Variants in NBDY observed in about 807,000 individuals in gnomAD.
NBDY encodes negative regulator of P-body association, also known as P-body dissociating protein.
intron 2 of NBDY, among the ~76,000 whole-genome samples, chrX:56,800,836 G>A (rs976180725): frequency 9.0e-6 from 1 of 111,045 alleles, no homozygotes; most frequent in Non-Finnish European, 1.9e-5. Flanking sequence ...AAGGACCCGG[G>A]CTGAACCCTG....
intron 2 of NBDY, among the ~76,000 whole-genome samples, chrX:56,756,442 GAA>G (rs66854374): frequency 6.0e-5 from 6 of 99,865 alleles, no homozygotes; most frequent in Middle Eastern, 5.4e-3. Flanking sequence ...AGCTAAAAAA[GAA>G]AAAAAAAAAG....
At chrX:56,785,674 G>A (rs1029017981) in intron 2 of NBDY, among the ~76,000 whole-genome samples, 2 of 111,567 alleles carry the variant, frequency 1.8e-5, no homozygotes, top group African/African-American at 6.5e-5. Flanking sequence ...ATGCAGTCGC[G>A]GTGCAGACTC....
At chrX:56,814,493 ATTT>A (rs374647825) in intron 2 of NBDY, among the ~76,000 whole-genome samples, 1 of 97,303 alleles carries the variant, frequency 1.0e-5, no homozygotes, top group Non-Finnish European at 2.1e-5. Flanking sequence ...TATGAACCAC[ATTT>A]TTTTTTTTTT....
chrX:56,800,384 T>G (rs2069815983), intron 2 of NBDY, among the ~76,000 whole-genome samples: 1 of 111,751 alleles, frequency 8.9e-6, no homozygotes, highest in African/African-American at 3.3e-5. Context: ...TTTTCTCTTA[T>G]TCATTTTTGT....
intron 2 of NBDY, among the ~76,000 whole-genome samples, chrX:56,740,602 G>A (rs73626218): frequency 0.067 from 7,447 of 111,096 alleles, 570 homozygotes; most frequent in African/African-American, 0.23. Context: ...GACAATTTTT[G>A]CTTTGTATAC....
chrX:56,788,780 G>A (rs1021824593), intron 2 of NBDY, among the ~76,000 whole-genome samples: 1 of 112,437 alleles, frequency 8.9e-6, no homozygotes, highest in Admixed American at 9.3e-5. Context: ...AAAATGGCTG[G>A]GGGGCAGCTT....
At chrX:56,786,560 T>TCTCCTTCTCCTC (rs1205716005) in intron 2 of NBDY, among the ~76,000 whole-genome samples, 1 of 110,421 alleles carries the variant, frequency 9.1e-6, no homozygotes, top group African/African-American at 3.3e-5. Context: ...ATCCTCTTCT[T>TCTCCTTCTCCTC]CTCCTTCTCC....
intron 2 of NBDY, 150 bp downstream of exon 2, chrX:56,732,349 T>C: frequency 3.7e-6 from 1 of 271,342 alleles, no homozygotes; most frequent in Non-Finnish European, 6.5e-6. Flanking sequence ...AACATATTCA[T>C]AATAATAGTG....
chrX:56,735,945 C>CA (rs35820296), intron 2 of NBDY, among the ~76,000 whole-genome samples: 620 of 64,274 alleles, frequency 9.6e-3, no homozygotes, highest in East Asian at 0.023. Context: ...ATCTGACTAG[C>CA]AAAAAAAAAA....
chrX:56,812,587 C>A (rs1223905622), intron 2 of NBDY, among the ~76,000 whole-genome samples: 2 of 111,071 alleles, frequency 1.8e-5, no homozygotes, highest in African/African-American at 6.6e-5. Flanking sequence ...TCCTGCAAGG[C>A]TACTTGTGGA....
intron 2 of NBDY, among the ~76,000 whole-genome samples, chrX:56,788,227 T>C (rs1199974446): frequency 3.6e-5 from 4 of 112,428 alleles, no homozygotes; most frequent in African/African-American, 9.7e-5. Flanking sequence ...CTCCTTATCT[T>C]TTTTATTTTT....
At chrX:56,812,841 C>G (rs982588661) in intron 2 of NBDY, among the ~76,000 whole-genome samples, 1 of 111,243 alleles carries the variant, frequency 9.0e-6, no homozygotes, top group Non-Finnish European at 1.9e-5. Flanking sequence ...TTTCAGCTCT[C>G]TGCGGGACAA....
chrX:56,782,974 TAC>T (rs911853135), intron 2 of NBDY, among the ~76,000 whole-genome samples: 1 of 112,013 alleles, frequency 8.9e-6, no homozygotes, highest in Non-Finnish European at 1.9e-5. Context: ...CACACACAGA[TAC>T]ACACAGACAC....
At chrX:56,785,684 CG>C (rs1569289615) in intron 2 of NBDY, among the ~76,000 whole-genome samples, 1 of 111,545 alleles carries the variant, frequency 9.0e-6, no homozygotes, top group African/African-American at 3.3e-5. Flanking sequence ...GGTGCAGACT[CG>C]GGCTTAAGGG....
intron 1 of NBDY, among the ~76,000 whole-genome samples, chrX:56,731,777 C>G (rs1441710310): frequency 9.0e-6 from 1 of 110,994 alleles, no homozygotes; most frequent in African/African-American, 3.3e-5. Flanking sequence ...AATCACAACT[C>G]TACTAGAGAA....
chrX:56,786,573 C>T (rs780643749), intron 2 of NBDY, among the ~76,000 whole-genome samples: 3 of 110,040 alleles, frequency 2.7e-5, no homozygotes, highest in South Asian at 4.0e-4. Flanking sequence ...CCTTCTCCTC[C>T]TCCTTCTCCT....
At chrX:56,753,660 G>A (rs919801055) in intron 2 of NBDY, among the ~76,000 whole-genome samples, 1 of 111,495 alleles carries the variant, frequency 9.0e-6, no homozygotes, top group Non-Finnish European at 1.9e-5. Context: ...AAGTAAAAAA[G>A]GTAAGCAGAA....
intron 2 of NBDY, among the ~76,000 whole-genome samples, chrX:56,810,008 A>G (rs1318746002): frequency 1.8e-5 from 2 of 111,533 alleles, no homozygotes; most frequent in African/African-American, 3.3e-5. Flanking sequence ...TCCTTTGCCT[A>G]TGAAACTTAG....
intron 2 of NBDY, among the ~76,000 whole-genome samples, chrX:56,810,732 C>T (rs2069881961): frequency 9.0e-6 from 1 of 110,598 alleles, no homozygotes; most frequent in South Asian, 3.8e-4. Flanking sequence ...TATTACTCAC[C>T]TTTTCAAGGC....
Sources: gnomAD v4.1 joint callset for allele counts (sites outside exome capture counted in the v4.1 genomes callset) on GRCh38, gnomAD v4.1.1 for gene constraint, MANE v1.5 for transcripts, NCBI Gene and HGNC (gene_info 2026-07-23, HGNC 2026-07-21) for gene names.